The following THSD7B variants were observed in gnomAD, a reference collection of about 807,000 sequenced individuals.
THSD7B encodes thrombospondin type-1 domain-containing protein 7B.
A neutral mutation model predicts 213.6 loss-of-function variants in THSD7B; 138 were observed. The observed-to-expected ratio is 0.65, with a 90% CI of 0.56 to 0.74. The LOEUF (loss-of-function observed/expected upper bound fraction) is 0.74. Ranked by LOEUF, THSD7B falls within the 30% of genes least tolerant of loss-of-function variation. The pLI, the probability that THSD7B is intolerant of heterozygous loss-of-function variation, is 0.00. For synonymous variants in THSD7B, 742 were observed against 687.0 expected (o/e 1.08, Z -1.25); for missense variants, 1,931 against 1,991.5 (o/e 0.97, Z 0.58).
chr2:137,095,009 A>G lies in THSD7B; in HGVS notation c.1087A>G (p.Ser363Gly). The G allele has an allele frequency of 6.2e-7, 1 of 1,613,816 alleles. No homozygotes were observed. Among genetic ancestry groups the G allele is most frequent in the Non-Finnish European group, 8.5e-7 (1 of 1,179,862 alleles). ...RSGSLLPGFR[S>G]RSRNVKHMAI... The stretch of plus-strand genomic sequence containing the variant: ...AGGGAGTCTCTTGCCAGGATTTAGG[A>G]GCAGGAGCCGGAACGTGAAGCACAT... Residue 363 changes from serine to glycine, a missense_variant, in exon 4 of 28, where the codon AGC (serine) becomes GGC (glycine). Ser to Gly is a moderately conservative substitution (Grantham distance 56). Coordinates refer to ENST00000409968, the MANE Select transcript of THSD7B (RefSeq NM_001316349.2).
At chr2:137,288,515 A>C (rs924251113) in intron 12 of THSD7B, among the ~76,000 whole-genome samples, 1 of 152,062 alleles carries the variant, frequency 6.6e-6, no homozygotes, top group African/African-American at 2.4e-5. Context: ...TTGAGAGCCT[A>C]TAACAGAAGA....
chr2:136,903,001 A>T (rs1224747131), intron 2 of THSD7B, among the ~76,000 whole-genome samples: 1 of 152,174 alleles, frequency 6.6e-6, no homozygotes, highest in Non-Finnish European at 1.5e-5. Context: ...TGTTCGTACT[A>T]GGGTATGAGT....
rs352176 is a variant in THSD7B at position 137,647,825 on chromosome 2, G to T, written c.3945+5192G>T. 2.2e-3 allele frequency among the ~76,000 whole-genome samples: 342 copies of T among 152,208 alleles called. 2 individuals are homozygous for T. Among genetic ancestry groups the T allele is most frequent in the African/African-American group, 7.1e-3 (293 of 41,536 alleles). On this transcript the variant is annotated intron_variant, in intron 21 of 27. Coordinates refer to ENST00000409968, the MANE Select transcript of THSD7B (RefSeq NM_001316349.2). The stretch of plus-strand genomic sequence containing the variant: ...AGCTGTGCTTGTTTGTGAAGCTGAG[G>T]CCAGCTTGGTAACACACTACCTCAT...
intron 12 of THSD7B, among the ~76,000 whole-genome samples, chr2:137,340,948 G>A (rs1684747199): frequency 6.7e-6 from 1 of 150,032 alleles, no homozygotes; most frequent in African/African-American, 2.4e-5. Flanking sequence ...GCTCAGAAGT[G>A]GGATTGCTGG....
intron 2 of THSD7B, among the ~76,000 whole-genome samples, chr2:136,895,180 T>C (rs1319088912): frequency 6.6e-6 from 1 of 152,160 alleles, no homozygotes; most frequent in African/African-American, 2.4e-5. Context: ...CTCTTTTGTT[T>C]CTCTTATATA....
At chr2:136,908,923 G>A (rs907338804) in intron 2 of THSD7B, among the ~76,000 whole-genome samples, 3 of 152,170 alleles carry the variant, frequency 2.0e-5, no homozygotes, top group Non-Finnish European at 2.9e-5. Context: ...GCTAACACCT[G>A]TAATCCCAGC....
At chr2:137,412,851 A>G (rs1239599952) in intron 14 of THSD7B, among the ~76,000 whole-genome samples, 1 of 151,222 alleles carries the variant, frequency 6.6e-6, no homozygotes, top group Non-Finnish European at 1.5e-5. Context: ...ACCAATCATT[A>G]CAATGGAGCC....
At chr2:137,270,614 C>T (rs529580653) in intron 10 of THSD7B, among the ~76,000 whole-genome samples, 15 of 152,068 alleles carry the variant, frequency 9.9e-5, no homozygotes, top group South Asian at 2.1e-4. Flanking sequence ...ATTGATGACA[C>T]GACATTGGGA....
intron 2 of THSD7B, among the ~76,000 whole-genome samples, chr2:136,954,622 A>G (rs1389618368): frequency 6.7e-6 from 1 of 148,944 alleles, no homozygotes; most frequent in African/African-American, 2.5e-5. Flanking sequence ...AGGCTGAGGC[A>G]GGAGAATGGT....
At chr2:137,515,784 C>G (rs1680056666) in intron 15 of THSD7B, among the ~76,000 whole-genome samples, 1 of 152,166 alleles carries the variant, frequency 6.6e-6, no homozygotes, top group African/African-American at 2.4e-5. Context: ...CTGGAAATGC[C>G]TAATCTCCCT....
intron 1 of THSD7B, among the ~76,000 whole-genome samples, chr2:136,801,567 A>G (rs1467371374): frequency 6.6e-6 from 1 of 152,142 alleles, no homozygotes; most frequent in East Asian, 1.9e-4. Context: ...TAAGGTTCAA[A>G]CAGTTTGTTC....
intron 2 of THSD7B, among the ~76,000 whole-genome samples, chr2:136,902,097 C>A (rs1201525794): frequency 6.6e-6 from 1 of 152,160 alleles, no homozygotes. Context: ...CTCTAAACGT[C>A]AGATGCTTGA....
chr2:137,000,568 G>A (rs1384819187), intron 2 of THSD7B, among the ~76,000 whole-genome samples: 1 of 151,872 alleles, frequency 6.6e-6, no homozygotes, highest in African/African-American at 2.4e-5. Flanking sequence ...ATATATTTTG[G>A]AAGCATTGTT....
At chr2:137,257,599 T>C (rs191809320) in intron 10 of THSD7B, among the ~76,000 whole-genome samples, 1 of 152,254 alleles carries the variant, frequency 6.6e-6, no homozygotes, top group Non-Finnish European at 1.5e-5. Context: ...TCAAGACTAT[T>C]GTCACAGAGC....
At chr2:137,392,833 G>T (rs1047595008) in intron 12 of THSD7B, among the ~76,000 whole-genome samples, 7 of 151,952 alleles carry the variant, frequency 4.6e-5, no homozygotes, top group African/African-American at 1.7e-4. Flanking sequence ...TTTGTCTTTA[G>T]GTGAAATTGT....
chr2:137,197,533 A>G (rs1680788240), intron 7 of THSD7B, among the ~76,000 whole-genome samples: 1 of 152,126 alleles, frequency 6.6e-6, no homozygotes, highest in Non-Finnish European at 1.5e-5. Flanking sequence ...AAATAAAGAT[A>G]CCATACTTTA....
rs1683376296 is a variant in THSD7B at position 137,293,121 on chromosome 2, A to C, written c.2500+17095A>C. ...ACTTCTTGCTATTAAGAACTGCCTT[A>C]GTTTTGTTTTTTGACAGATAGTCTT... On this transcript the variant is annotated intron_variant, in intron 12 of 27. Transcript: ENST00000409968. 2.0e-5 allele frequency among the ~76,000 whole-genome samples: 3 copies of C among 151,666 alleles called. No individual in the cohort carries two copies. In the South Asian group the frequency reaches 6.3e-4, roughly 32 times the overall value.
chr2:137,185,285 A>C lies in THSD7B; in HGVS notation c.1723+14347A>C, dbSNP rs531904869. On this transcript the variant is annotated intron_variant, in intron 7 of 27. Transcript: ENST00000409968. ...CTTTTATTTTAGATTCTGGGGGTAC[A>C]TGTGCAGGTTTGTTACAAAGGTATA... Among the ~76,000 whole-genome samples the C allele has an allele frequency of 9.2e-5, 14 of 151,966 alleles. No homozygotes were observed. In the South Asian group the frequency reaches 2.7e-3, roughly 29 times the overall value.
At chr2:137,073,865 G>T (rs1393465031) in intron 3 of THSD7B, among the ~76,000 whole-genome samples, 1 of 152,188 alleles carries the variant, frequency 6.6e-6, no homozygotes, top group East Asian at 1.9e-4. Context: ...TCAGGAGCAG[G>T]TTGTTCAGTT....
Sources: gnomAD v4.1 joint callset for allele counts (sites outside exome capture counted in the v4.1 genomes callset) on GRCh38, gnomAD v4.1.1 for gene constraint, MANE v1.5 for transcripts, NCBI Gene and HGNC (gene_info 2026-07-23, HGNC 2026-07-21) for gene names.